The following ZFP1 variants were observed in gnomAD, a reference collection of about 807,000 sequenced individuals.
ZFP1 encodes the protein zinc finger protein 1 homolog.
A neutral mutation model predicts 38.5 loss-of-function variants in ZFP1; 32 were observed. The ratio of observed to expected loss-of-function variants is 0.83; its 90% CI spans 0.63 to 1.12. ZFP1 has a LOEUF of 1.12. Among genes scored for constraint, ZFP1 ranks in the 50% most tolerant of loss-of-function variants. The probability of loss-of-function intolerance (pLI) is 0.00; values close to 1 mark genes in which losing one functional copy is unlikely to be tolerated. For synonymous variants in ZFP1, 245 were observed against 168.8 expected, an observed-to-expected ratio of 1.45 and a Z score of -3.50; for missense variants, 616 against 480.8, an observed-to-expected ratio of 1.28 and a Z score of -2.63.
chr16:75,167,925 C>T (rs2038186974), intron 3 of ZFP1, among the ~76,000 whole-genome samples: 1 of 152,152 alleles, frequency 6.6e-6, no homozygotes, highest in Admixed American at 6.5e-5. Flanking sequence ...GAAAACCCCT[C>T]TCTACTAAAA....
the ZFP1 span, among the ~76,000 whole-genome samples, chr16:75,135,427 C>G: frequency 6.6e-6 from 1 of 152,106 alleles, no homozygotes; most frequent in African/African-American, 2.4e-5. Context: ...TTATTCCATC[C>G]ACATGACATT....
At chr16:75,131,474 C>A in the ZFP1 span, among the ~76,000 whole-genome samples, 1 of 152,118 alleles carries the variant, frequency 6.6e-6, no homozygotes, top group Non-Finnish European at 1.5e-5. Context: ...TGAGAAGCAT[C>A]ACGTTGCTAA....
intron 2 of ZFP1, among the ~76,000 whole-genome samples, chr16:75,166,399 A>C (rs758692523): frequency 1.2e-4 from 19 of 152,052 alleles, no homozygotes; most frequent in African/African-American, 3.4e-4. Context: ...ATGCCCGACT[A>C]AATTTTAGTA....
chr16:75,161,937 A>G (rs1291730131), intron 2 of ZFP1, among the ~76,000 whole-genome samples: 2 of 149,634 alleles, frequency 1.3e-5, no homozygotes, highest in East Asian at 2.0e-4. Context: ...GGCGCCCGCT[A>G]CTGTGCCCGG....
Position 75,170,650 on chromosome 16 carries a change from A to G in ZFP1, c.*316A>G, listed in dbSNP as rs1287026644. 9.2e-5 allele frequency: 21 copies of G among 228,430 alleles called. No homozygotes were observed. In the Admixed American group the frequency reaches 1.0e-3, roughly 11 times the overall value. The allele number at this position is 228,430 out of a possible 1,614,324, so 14.2% of individuals were successfully genotyped here. The stretch of plus-strand genomic sequence containing the variant: ...AGAAATATACAAACAGTATCCTATG[A>G]ATTTAGTGGTTTTATGTGGATATGC... On this transcript the variant is annotated 3_prime_UTR_variant, in exon 4 of 4. Transcript: ENST00000570010.
chr16:75,143,862 C>T (rs2036914319), upstream of ZFP1, among the ~76,000 whole-genome samples: 1 of 151,764 alleles, frequency 6.6e-6, no homozygotes, highest in Admixed American at 6.6e-5. Flanking sequence ...CCATGTTCCC[C>T]AGGCTTGTCT....
chr16:75,133,916 G>A, the ZFP1 span, among the ~76,000 whole-genome samples: 1 of 152,134 alleles, frequency 6.6e-6, no homozygotes, highest in East Asian at 1.9e-4. Flanking sequence ...AGGCGTGCTG[G>A]TGCATGCCTG....
At chr16:75,146,026 C>G (rs577751534), upstream of ZFP1, among the ~76,000 whole-genome samples, 20 of 152,356 alleles carry the variant, frequency 1.3e-4, no homozygotes, top group South Asian at 4.1e-3. Context: ...ACCCACTTGC[C>G]TCTGTGCTCC....
Position 75,169,285 on chromosome 16 carries a change from G to C in ZFP1, c.175G>C (p.Asp59His), listed in dbSNP as rs2038281970. 1 of 1,613,484 alleles carries C rather than the reference G, an allele frequency of 6.2e-7. No individual in the cohort carries two copies. Among genetic ancestry groups the C allele is most frequent in the Non-Finnish European group, 8.5e-7 (1 of 1,179,852 alleles). ...GAAGGCTGATGACCAGATGGAGAGAGACCACAGAAACCCAGACGAGCAGGC... is the reference window on the plus strand; with the variant it reads ...GAAGGCTGATGACCAGATGGAGAGACACCACAGAAACCCAGACGAGCAGGC... ...VWKADDQMER[D>H]HRNPDEQARQ... The change falls in exon 4 of 4, where the codon GAC (aspartate) becomes CAC (histidine). Residue 59 changes from aspartate to histidine, a missense_variant. Asp to His is a moderately conservative substitution (Grantham distance 81). Transcript: ENST00000570010.
At chr16:75,135,209 C>CAAAAAAAAAAAAAAAA in the ZFP1 span, among the ~76,000 whole-genome samples, 66 of 14,954 alleles carry the variant, frequency 4.4e-3, 20 homozygotes, top group African/African-American at 6.4e-3. Context: ...GACCTTATCT[C>CAAAAAAAAAAAAAAAA]AAAAAAAAAA....
the ZFP1 span, among the ~76,000 whole-genome samples, chr16:75,132,913 A>G: frequency 2.7e-5 from 4 of 147,132 alleles, no homozygotes; most frequent in East Asian, 8.0e-4. Context: ...ATCCACCTCA[A>G]CCTCCCAAAG....
upstream of ZFP1, among the ~76,000 whole-genome samples, chr16:75,144,848 A>G (rs2036926417): frequency 6.6e-6 from 1 of 151,930 alleles, no homozygotes; most frequent in Admixed American, 6.6e-5. Flanking sequence ...TTTTCTTTTA[A>G]GAAACAGAGT....
the ZFP1 span, among the ~76,000 whole-genome samples, chr16:75,135,218 A>AAAAAAAC: frequency 3.4e-5 from 5 of 148,176 alleles, 2 homozygotes; most frequent in Admixed American, 3.4e-4. Context: ...TCAAAAAAAA[A>AAAAAAAC]AAAAAAAAAA....
intron 2 of ZFP1, among the ~76,000 whole-genome samples, chr16:75,158,911 T>C (rs911988655): frequency 6.6e-5 from 10 of 150,410 alleles, no homozygotes; most frequent in Admixed American, 4.6e-4. Context: ...TTGTCTTTTT[T>C]TTTTTTTTTT....
Position 75,169,923 on chromosome 16 carries a change from T to C in ZFP1, c.813T>C (p.Ser271=). 6.2e-7 allele frequency: 1 copy of C among 1,614,174 alleles called. No homozygotes were observed. Among genetic ancestry groups the C allele is most frequent in the Non-Finnish European group, 8.5e-7 (1 of 1,180,036 alleles). ...AHMEKKPYEC[S]ECGKTFAQKF... ...TGGAGAAGAAGCCCTATGAGTGCAG[T>C]GAATGTGGAAAGACATTTGCCCAAA... The change falls in exon 4 of 4, where the codon AGT becomes AGC. Residue 271 remains serine, a synonymous_variant. Transcript: ENST00000570010.
the ZFP1 span, among the ~76,000 whole-genome samples, chr16:75,131,677 A>G: frequency 6.6e-6 from 1 of 152,030 alleles, no homozygotes; most frequent in Non-Finnish European, 1.5e-5. Flanking sequence ...AAAAATGTCT[A>G]TCTTGTCCAG....
At chr16:75,132,652 C>CTTTTTTTTTTTTT in the ZFP1 span, 3 of 104,286 alleles carry the variant, frequency 2.9e-5, no homozygotes, top group African/African-American at 3.8e-5. Flanking sequence ...CATTTCATTT[C>CTTTTTTTTTTTTT]TTTTTTTTTT....
At chr16:75,133,894 C>A in the ZFP1 span, among the ~76,000 whole-genome samples, 1 of 151,788 alleles carries the variant, frequency 6.6e-6, no homozygotes, top group African/African-American at 2.4e-5. Flanking sequence ...AATAAAAATA[C>A]AAAAATTAGC....
chr16:75,138,326 C>A, the ZFP1 span, among the ~76,000 whole-genome samples: 6 of 152,138 alleles, frequency 3.9e-5, no homozygotes, highest in African/African-American at 1.4e-4. Context: ...TGAGCCACCG[C>A]GCACAGCCAA....
Sources: allele counts gnomAD v4.1 joint callset (sites outside exome capture counted in the v4.1 genomes callset), GRCh38; gene constraint gnomAD v4.1.1; transcripts MANE v1.5; gene names NCBI Gene and HGNC (gene_info 2026-07-23, HGNC 2026-07-21).